Variants in ZSWIM6 observed in about 807,000 individuals in gnomAD.
The protein encoded by ZSWIM6 is zinc finger SWIM-type containing 6, also known as zinc finger SWIM domain-containing protein 6.
ZSWIM6 carries 9 observed loss-of-function variants against 113.2 expected under a neutral mutation model. The ratio of observed to expected loss-of-function variants is 0.08; its 90% CI spans 0.05 to 0.14. The LOEUF (loss-of-function observed/expected upper bound fraction) is 0.14, where lower values mean the gene tolerates loss of function less well. ZSWIM6 is among the 10% of genes least tolerant of loss of function. The probability of loss-of-function intolerance (pLI) is 1.00; values close to 1 mark genes in which losing one functional copy is unlikely to be tolerated. For synonymous variants in ZSWIM6, 611 were observed against 606.5 expected, an observed-to-expected ratio of 1.01 and a Z score of -0.11; for missense variants, 1,162 against 1,552.2, an observed-to-expected ratio of 0.75 and a Z score of 4.22.
At position 61,528,036 on chromosome 5, in the gene ZSWIM6, T is replaced by C. The variant is rs181432907; in HGVS notation, c.1837+1640T>C. Among the ~76,000 whole-genome samples the C allele has an allele frequency of 3.7e-4, 57 of 152,284 alleles. No individual in the cohort carries two copies. The East Asian group carries it at 0.011, about 29-fold the overall frequency. ...TTTATCTTGCAAGCTATGAAAACTT[T>C]TATTTCCAACCATTCTTAGGTATTG... is the stretch of plus-strand genomic sequence containing the variant. On this transcript the variant is annotated intron_variant, in intron 7 of 13. Coordinates refer to ENST00000252744, the MANE Select transcript of ZSWIM6 (RefSeq NM_020928.2).
rs1414436453 is a variant in ZSWIM6 at position 61,518,419 on chromosome 5, T to G, written c.1334-2844T>G. Reference sequence around the variant, plus strand: ...CAGTCCCACCAACAGTGTAAAAGTGTTCCTATTTCTCCACATCCTCTCCAG... The same window carrying G: ...CAGTCCCACCAACAGTGTAAAAGTGGTCCTATTTCTCCACATCCTCTCCAG... On this transcript the variant is annotated intron_variant, in intron 4 of 13. Transcript: ENST00000252744. Among the ~76,000 whole-genome samples, 295 of 151,040 alleles carry G rather than the reference T, an allele frequency of 2.0e-3. 2 individuals are homozygous for G. Among genetic ancestry groups the G allele is most frequent in the African/African-American group, 7.0e-3 (288 of 41,358 alleles).
intron 1 of ZSWIM6, among the ~76,000 whole-genome samples, chr5:61,466,450 G>C (rs774957416): frequency 6.6e-6 from 1 of 152,032 alleles, no homozygotes; most frequent in Non-Finnish European, 1.5e-5. Context: ...AATTTCCCTG[G>C]GGGTTCTTTT....
At chr5:61,414,545 A>T (rs1746209949) in intron 1 of ZSWIM6, among the ~76,000 whole-genome samples, 1 of 152,340 alleles carries the variant, frequency 6.6e-6, no homozygotes, top group Non-Finnish European at 1.5e-5. Flanking sequence ...TCCTGTGCCA[A>T]CTATAAAATT....
intron 1 of ZSWIM6, among the ~76,000 whole-genome samples, chr5:61,360,017 A>G (rs13181015): frequency 0.2 from 30,086 of 151,536 alleles, 2,968 homozygotes; most frequent in South Asian, 0.31. Context: ...AGAGAGAGAG[A>G]GAGGGAGAAT....
chr5:61,500,610 C>A (rs545415459), intron 4 of ZSWIM6, among the ~76,000 whole-genome samples: 1 of 152,106 alleles, frequency 6.6e-6, no homozygotes, highest in Non-Finnish European at 1.5e-5. Flanking sequence ...CTAGTCTAGT[C>A]GCTAATTTGT....
chr5:61,455,093 T>A (rs1428410114), intron 1 of ZSWIM6, among the ~76,000 whole-genome samples: 6 of 152,126 alleles, frequency 3.9e-5, no homozygotes, highest in Non-Finnish European at 4.4e-5. Flanking sequence ...AGCTTTCCTG[T>A]GTTAGATTTA....
In ZSWIM6 at chr5:61,344,278, T is replaced by C. The variant is rs570013291; in HGVS notation, c.676+11330T>C. 5.3e-5 allele frequency among the ~76,000 whole-genome samples: 8 copies of C among 152,332 alleles called. No individual in the cohort carries two copies. In the South Asian group the frequency reaches 1.0e-3, roughly 20 times the overall value. On this transcript the variant is annotated intron_variant, in intron 1 of 13. Coordinates refer to ENST00000252744, the MANE Select transcript of ZSWIM6 (RefSeq NM_020928.2). The stretch of plus-strand genomic sequence containing the variant: ...CCACTTGTGTAATTTTTGTCTGATA[T>C]ACGTTCAGCCCAGTGAACTAGCCAG...
intron 12 of ZSWIM6, among the ~76,000 whole-genome samples, chr5:61,540,916 G>GGT (rs1749711320): frequency 2.1e-5 from 2 of 94,580 alleles, no homozygotes; most frequent in East Asian, 2.6e-4. Context: ...TATTTTGTGG[G>GGT]TTTTTTTTTT....
intron 10 of ZSWIM6, among the ~76,000 whole-genome samples, chr5:61,538,244 A>G (rs1052237581): frequency 1.7e-4 from 26 of 152,258 alleles, no homozygotes; most frequent in African/African-American, 5.5e-4. Flanking sequence ...TCTAATGTCA[A>G]ATTCCTGGAG....
chr5:61,395,241 A>C (rs1314529907), intron 1 of ZSWIM6, among the ~76,000 whole-genome samples: 3 of 151,924 alleles, frequency 2.0e-5, no homozygotes. Context: ...GTGCTAAGAC[A>C]ACTTATCTAG....
At chr5:61,535,690 T>G (rs1057393322) in intron 10 of ZSWIM6, 71 bp downstream of exon 10, 244 of 1,516,870 alleles carry the variant, frequency 1.6e-4, no homozygotes, top group Non-Finnish European at 2.1e-4. Flanking sequence ...GTTAACTGAC[T>G]TACTCCTTCA....
chr5:61,464,158 ATTTTTTTTTTTTTT>A (rs869288331), intron 1 of ZSWIM6, among the ~76,000 whole-genome samples: 54 of 43,528 alleles, frequency 1.2e-3, no homozygotes, highest in Middle Eastern at 0.029. Flanking sequence ...CACCCGGCTA[ATTTTTTTTTTTTTT>A]TTTTTTTTTT....
intron 9 of ZSWIM6, among the ~76,000 whole-genome samples, chr5:61,532,783 T>C (rs532996574): frequency 3.8e-4 from 58 of 152,318 alleles, no homozygotes; most frequent in African/African-American, 1.3e-3. Context: ...CCTGTTTTTT[T>C]CCCTGTAAAG....
intron 1 of ZSWIM6, among the ~76,000 whole-genome samples, chr5:61,432,143 A>C (rs964338582): frequency 6.6e-6 from 1 of 152,248 alleles, no homozygotes; most frequent in Non-Finnish European, 1.5e-5. Flanking sequence ...GTTTGTTCTA[A>C]TACAACAGGC....
At chr5:61,385,743 T>C (rs1745580643) in intron 1 of ZSWIM6, among the ~76,000 whole-genome samples, 1 of 152,220 alleles carries the variant, frequency 6.6e-6, no homozygotes, top group African/African-American at 2.4e-5. Context: ...TCAGTTCTTT[T>C]GGGAGGCTTC....
intron 1 of ZSWIM6, among the ~76,000 whole-genome samples, chr5:61,382,781 G>A (rs1301913659): frequency 1.3e-5 from 2 of 151,804 alleles, no homozygotes; most frequent in Admixed American, 6.6e-5. Context: ...CTCCAGCCTG[G>A]TTAACAGAGC....
intron 1 of ZSWIM6, 78 bp downstream of exon 1, chr5:61,333,026 G>A: frequency 9.2e-7 from 1 of 1,092,442 alleles, no homozygotes; most frequent in South Asian, 3.1e-5. Context: ...CCTTTCTCCT[G>A]CGGACAGCCC....
At position 61,544,530 on chromosome 5, in the gene ZSWIM6, A is replaced by C; in HGVS notation, c.*213A>C. The C allele has an allele frequency of 4.2e-6, 1 of 235,310 alleles. No homozygotes were observed. Among genetic ancestry groups the C allele is most frequent in the Non-Finnish European group, 8.0e-6 (1 of 124,954 alleles). 14.6% of individuals were successfully genotyped at this position (235,310 alleles called of 1,614,324 possible). A position where few individuals can be genotyped will look rare whatever the true frequency, so the allele number is the denominator to read the frequency against. On this transcript the variant is annotated 3_prime_UTR_variant, in exon 14 of 14. Transcript: ENST00000252744. The stretch of plus-strand genomic sequence containing the variant: ...ATTTCTTTCTTTCCTTTATTTTATT[A>C]TTTTTTTTAATTTTTTTTTTCTGGT...
chr5:61,374,364 C>A (rs1170366531), intron 1 of ZSWIM6, among the ~76,000 whole-genome samples: 1 of 151,980 alleles, frequency 6.6e-6, no homozygotes, highest in African/African-American at 2.4e-5. Context: ...GTACTTTTGG[C>A]GTTCATACAT....
Sources: gnomAD v4.1 joint callset for allele counts (sites outside exome capture counted in the v4.1 genomes callset) on GRCh38, gnomAD v4.1.1 for gene constraint, MANE v1.5 for transcripts, NCBI Gene and HGNC (gene_info 2026-07-23, HGNC 2026-07-21) for gene names.